Variants in ENTPD1 observed in about 807,000 individuals in gnomAD.
ENTPD1 encodes the protein ATP diphosphohydrolase.
ENTPD1 carries 33 observed loss-of-function variants against 57.0 expected under a neutral mutation model. The ratio of observed to expected loss-of-function variants is 0.58; its 90% CI spans 0.44 to 0.77. ENTPD1 has a LOEUF of 0.77. ENTPD1 is among the 30% of genes least tolerant of loss of function. The pLI is 0.00. For synonymous variants in ENTPD1, 202 were observed against 218.8 expected (o/e 0.92, Z 0.68); for missense variants, 501 against 603.4 (o/e 0.83, Z 1.78).
chr10:95,749,982 G>C (rs1220323336), intron 1 of ENTPD1, among the ~76,000 whole-genome samples: 1 of 152,196 alleles, frequency 6.6e-6, no homozygotes, highest in Non-Finnish European at 1.5e-5. Context: ...GGTGAGAGAT[G>C]ATGTGGCTTG....
At chr10:95,794,404 A>G (rs2098217946) in intron 1 of ENTPD1, among the ~76,000 whole-genome samples, 1 of 152,170 alleles carries the variant, frequency 6.6e-6, no homozygotes, top group Admixed American at 6.6e-5. Context: ...GTCATGGATA[A>G]GCAGCAGACA....
At chr10:95,792,414 A>G (rs1438309174) in intron 1 of ENTPD1, among the ~76,000 whole-genome samples, 1 of 152,238 alleles carries the variant, frequency 6.6e-6, no homozygotes, top group East Asian at 1.9e-4. Context: ...CAGGCTTTCT[A>G]GACAGAGAAA....
Position 95,867,226 on chromosome 10 carries a change from TATA to T in ENTPD1, c.*846_*848del. 1.0e-6 allele frequency: 1 copy of T among 978,770 alleles called. No homozygotes were observed. The highest frequency in any genetic ancestry group is 1.2e-6 in the Non-Finnish European group (1 of 823,848). The allele number at this position is 978,770 out of a possible 1,614,324, so 60.6% of individuals were successfully genotyped here. A position where few individuals can be genotyped will look rare whatever the true frequency, so the allele number is the denominator to read the frequency against. ...TTTATTATGGTAAAATATACATAAA[TATA>T]ATTCACCATTTTAACATTTAATTCA... On this transcript the variant is annotated 3_prime_UTR_variant, in exon 10 of 10. Coordinates refer to ENST00000371205, the MANE Select transcript of ENTPD1 (RefSeq NM_001776.6).
At chr10:95,865,760 T>TATC (rs2098473182) in intron 9 of ENTPD1, among the ~76,000 whole-genome samples, 1 of 152,154 alleles carries the variant, frequency 6.6e-6, no homozygotes, top group African/African-American at 2.4e-5. Context: ...TCATGATGTA[T>TATC]GTGTGTGTAT....
intron 2 of ENTPD1, among the ~76,000 whole-genome samples, chr10:95,838,449 C>T (rs1442239368): frequency 6.6e-6 from 1 of 152,152 alleles, no homozygotes; most frequent in Non-Finnish European, 1.5e-5. Context: ...ATAGTATATC[C>T]ATATAATGAA....
chr10:95,794,957 C>T (rs181231560), intron 1 of ENTPD1, among the ~76,000 whole-genome samples: 8 of 152,198 alleles, frequency 5.3e-5, no homozygotes, highest in East Asian at 3.9e-4. Flanking sequence ...ACAGGACATA[C>T]GGGCTAGATA....
chr10:95,866,343 T>G lies in ENTPD1; in HGVS notation c.1493T>G (p.Ile498Ser). The G allele has an allele frequency of 6.2e-7, 1 of 1,614,218 alleles. No individual in the cohort carries two copies. The highest frequency in any genetic ancestry group is 8.5e-7 in the Non-Finnish European group (1 of 1,180,038). Residue 498 changes from isoleucine to serine, a missense_variant, in exon 10 of 10, where the codon ATC becomes AGC. Transcript: ENST00000371205. The stretch of plus-strand genomic sequence containing the variant: ...ACAGTGGCCATCATAGGCTTGCTTA[T>G]CTTTCACAAGCCTTCATATTTCTGG... ...LFTVAIIGLL[I>S]FHKPSYFWKD...
chr10:95,781,058 T>A (rs1429807972), intron 1 of ENTPD1, among the ~76,000 whole-genome samples: 11 of 152,216 alleles, frequency 7.2e-5, no homozygotes, highest in Non-Finnish European at 1.6e-4. Flanking sequence ...ATATACACAA[T>A]GGACTGCTAT....
intron 7 of ENTPD1, among the ~76,000 whole-genome samples, chr10:95,856,651 C>CATATATATATATATATATATATAT (rs66753059): frequency 7.0e-6 from 1 of 142,206 alleles, no homozygotes; most frequent in African/African-American, 2.6e-5. Context: ...TATATGTATG[C>CATATATATATATATATATATATAT]ATATATATAT....
the ENTPD1 span, among the ~76,000 whole-genome samples, chr10:95,696,216 T>C: frequency 2.6e-5 from 4 of 152,202 alleles, no homozygotes; most frequent in African/African-American, 7.2e-5. Context: ...TCTTTTGTTA[T>C]AGTTAAGCAA....
At chr10:95,775,731 C>T (rs1381126186) in intron 1 of ENTPD1, among the ~76,000 whole-genome samples, 1 of 152,170 alleles carries the variant, frequency 6.6e-6, no homozygotes, top group Non-Finnish European at 1.5e-5. Context: ...CTAATATTGA[C>T]AGTGGGGTGT....
At chr10:95,796,643 A>T (rs1286283154) in intron 1 of ENTPD1, among the ~76,000 whole-genome samples, 1 of 152,182 alleles carries the variant, frequency 6.6e-6, no homozygotes, top group African/African-American at 2.4e-5. Context: ...GAAGAACTTC[A>T]TACTAGTTAG....
Position 95,860,522 on chromosome 10 carries a change from A to C in ENTPD1, c.1128A>C (p.Lys376Asn). Residue 376 changes from lysine to asparagine, a missense_variant, in exon 8 of 10, where the codon AAA (lysine) becomes AAC (asparagine). Transcript: ENST00000371205. ...VMKFLNLTSE[K>N]VSQEKVTEMM... Reference sequence around the variant, plus strand: ...AGTTTTTAAACTTGACATCAGAGAAAGTCTCTCAGGAAAAGGTGACTGAGA... The same window carrying C: ...AGTTTTTAAACTTGACATCAGAGAACGTCTCTCAGGAAAAGGTGACTGAGA... 2 of 1,614,008 alleles carry C rather than the reference A, an allele frequency of 1.2e-6. No homozygotes were observed. The highest frequency in any genetic ancestry group is 1.3e-5 in the African/African-American group (1 of 75,044).
In ENTPD1 at chr10:95,877,113, T is replaced by A. The variant is rs1450709463; in HGVS notation, c.*10730T>A. Among the ~76,000 whole-genome samples, 3 of 152,226 alleles carry A rather than the reference T, an allele frequency of 2.0e-5. No homozygotes were observed. Among genetic ancestry groups the A allele is most frequent in the Non-Finnish European group, 2.9e-5 (2 of 68,042 alleles). On this transcript the variant is annotated 3_prime_UTR_variant, in exon 10 of 10. Transcript: ENST00000371205. ...TTACAAAGTTAAAATTTGGGAGTAG[T>A]AGAAAATCAATTGGTTATCTTATAG...
chr10:95,760,811 A>ATT (rs1399145317), intron 1 of ENTPD1, among the ~76,000 whole-genome samples: 3 of 48,404 alleles, frequency 6.2e-5, no homozygotes, highest in Non-Finnish European at 8.2e-5. Context: ...CATAGAGTTT[A>ATT]TTCTTTTTTT....
At chr10:95,822,189 G>A (rs557563032) in intron 1 of ENTPD1, among the ~76,000 whole-genome samples, 8 of 151,500 alleles carry the variant, frequency 5.3e-5, no homozygotes, top group Non-Finnish European at 7.4e-5. Flanking sequence ...CAGTAGAGAC[G>A]GGGTTTCACC....
intron 1 of ENTPD1, among the ~76,000 whole-genome samples, chr10:95,812,071 A>G (rs1176497375): frequency 6.6e-6 from 1 of 152,246 alleles, no homozygotes; most frequent in East Asian, 1.9e-4. Context: ...GTTTTCCCAC[A>G]TCTTTGTCAA....
At chr10:95,804,274 A>G (rs1243277912) in intron 1 of ENTPD1, among the ~76,000 whole-genome samples, 1 of 152,192 alleles carries the variant, frequency 6.6e-6, no homozygotes, top group Non-Finnish European at 1.5e-5. Flanking sequence ...GATGGCTTTG[A>G]ATCTACAAAT....
chr10:95,855,412 A>G (rs555700229), intron 7 of ENTPD1, among the ~76,000 whole-genome samples: 3 of 151,620 alleles, frequency 2.0e-5, no homozygotes, highest in African/African-American at 7.3e-5. Context: ...TGTGTCTTTT[A>G]ATTGGAGCAT....
Sources: gnomAD v4.1 joint callset for allele counts (sites outside exome capture counted in the v4.1 genomes callset) on GRCh38, gnomAD v4.1.1 for gene constraint, MANE v1.5 for transcripts, NCBI Gene and HGNC (gene_info 2026-07-23, HGNC 2026-07-21) for gene names.